MYT1L: variants seen among roughly 807,000 people sequenced by gnomAD.
MYT1L encodes myelin transcription factor 1 like.
MYT1L carries 12 observed loss-of-function variants against 126.7 expected under a neutral mutation model. The observed-to-expected ratio is 0.09, with a 90% CI of 0.06 to 0.15. The LOEUF (loss-of-function observed/expected upper bound fraction) is 0.15. MYT1L is among the 10% of genes least tolerant of loss of function. MYT1L has a pLI of 1.00. For synonymous variants in MYT1L, 541 were observed against 604.2 expected (o/e 0.90, Z 1.53); for missense variants, 979 against 1,585.2 (o/e 0.62, Z 6.49).
intron 21 of MYT1L, among the ~76,000 whole-genome samples, chr2:1,821,437 T>A (rs2038511138): frequency 6.6e-6 from 1 of 152,214 alleles, no homozygotes; most frequent in South Asian, 2.1e-4. Context: ...GATATTCGTG[T>A]TCTCTGAATG....
intron 1 of MYT1L, among the ~76,000 whole-genome samples, chr2:2,309,423 T>C (rs915091000): frequency 6.6e-6 from 1 of 152,052 alleles, no homozygotes. Context: ...ACCTTCTCTA[T>C]GCTTCATCTG....
chr2:1,913,718 T>TCAC (rs2052400161), intron 11 of MYT1L, among the ~76,000 whole-genome samples: 1 of 152,030 alleles, frequency 6.6e-6, no homozygotes, highest in South Asian at 2.1e-4. Context: ...CACACGGGGG[T>TCAC]CACTCTGACC....
chr2:1,912,182 T>A lies in MYT1L; in HGVS notation c.1619-72A>T. The A allele has an allele frequency of 8.9e-7, 1 of 1,125,648 alleles. No individual in the cohort carries two copies. Among genetic ancestry groups the A allele is most frequent in the South Asian group, 1.7e-5 (1 of 57,300 alleles). The allele number at this position is 1,125,648 out of a possible 1,614,324, so 69.7% of individuals were successfully genotyped here. A position where few individuals can be genotyped will look rare whatever the true frequency, so the allele number is the denominator to read the frequency against. ...ACGGTTAGGGCACATGAAAATGCAG[T>A]CATTTAACAAAGGCCAGGTCGCTCA... On this transcript the variant is annotated intron_variant, in intron 11 of 24. Transcript: ENST00000647738. The surrounding 1 kb of genome is among the most constrained non-coding windows in gnomAD (Gnocchi z 4.3).
At chr2:2,048,142 G>T (rs1244974820) in intron 4 of MYT1L, among the ~76,000 whole-genome samples, 1 of 152,144 alleles carries the variant, frequency 6.6e-6, no homozygotes, top group Non-Finnish European at 1.5e-5. Context: ...CGGGGATAGA[G>T]CCTGATGCAG....
rs778259338 is a variant in MYT1L at position 1,923,009 on chromosome 2, C to T, written c.760G>A (p.Asp254Asn). The T allele has an allele frequency of 6.2e-7, 1 of 1,614,040 alleles. No homozygotes were observed. Residue 254 changes from aspartate to asparagine, a missense_variant, in exon 10 of 25, where the codon GAC (aspartate) becomes AAC (asparagine). Coordinates refer to ENST00000647738, the MANE Select transcript of MYT1L (RefSeq NM_001303052.2). ...ACTGTTTCTCTAACAACATCACTGTCTAAGTCTAAACTCAACTCACTTTTC... is the reference window on the plus strand; with the variant it reads ...ACTGTTTCTCTAACAACATCACTGTTTAAGTCTAAACTCAACTCACTTTTC... Reference protein sequence around the residue: ...GRKSELSLDLDSDVVRETVDS... With the variant: ...GRKSELSLDLNSDVVRETVDS...
rs2032111422 is a variant in MYT1L, at chr2:1,791,634, T to C, written c.*233A>G. 4.0e-6 allele frequency: 2 copies of C among 497,198 alleles called. No individual in the cohort carries two copies. The highest frequency in any genetic ancestry group is 3.4e-5 in the East Asian group (1 of 29,584). The allele number at this position is 497,198 out of a possible 1,614,324, so 30.8% of individuals were successfully genotyped here. On this transcript the variant is annotated 3_prime_UTR_variant, in exon 25 of 25. Transcript: ENST00000647738. The surrounding 1 kb of genome is among the most constrained non-coding windows in gnomAD (Gnocchi z 6.0). ...TACATCAGCAGCTATAAACATTACA[T>C]GGCAGAACACTATGTCAGCTTACAT...
At position 2,064,837 on chromosome 2, in the gene MYT1L, A is replaced by G. The variant is rs377407148; in HGVS notation, c.-303-10714T>C. On this transcript the variant is annotated intron_variant, in intron 3 of 24. Transcript: ENST00000647738. ...TTTTCCTCATTTATTTTCATTATGAAATATGAAACGATTCCTGATTAAAGT... is the reference window on the plus strand; with the variant it reads ...TTTTCCTCATTTATTTTCATTATGAGATATGAAACGATTCCTGATTAAAGT... Among the ~76,000 whole-genome samples, 28 of 152,354 alleles carry G rather than the reference A, an allele frequency of 1.8e-4. No individual in the cohort carries two copies. The East Asian group carries it at 5.2e-3, about 28-fold the overall frequency.
At chr2:2,281,294 C>A (rs1226995346) in intron 2 of MYT1L, among the ~76,000 whole-genome samples, 1 of 152,226 alleles carries the variant, frequency 6.6e-6, no homozygotes, top group Non-Finnish European at 1.5e-5. Context: ...AACTGTGAGT[C>A]AATTAAACCT....
rs1370581878 is a variant in MYT1L at position 2,225,218 on chromosome 2, C to G, written c.-420-52230G>C. Among the ~76,000 whole-genome samples the G allele has an allele frequency of 3.3e-5, 5 of 152,184 alleles. No homozygotes were observed. The East Asian group carries it at 9.7e-4, about 30-fold the overall frequency. On this transcript the variant is annotated intron_variant, in intron 2 of 24. Transcript: ENST00000647738. ...TCCTGCCTTAATCCTCTCCTCACTC[C>G]CCTCAACTAACCAACCCCAGGCCTC...
chr2:2,011,421 A>C (rs2063810718), intron 4 of MYT1L, among the ~76,000 whole-genome samples: 1 of 149,822 alleles, frequency 6.7e-6, no homozygotes, highest in South Asian at 2.1e-4. Flanking sequence ...AAAAAAAAAG[A>C]AAAAAAAGAA....
chr2:1,975,520 G>A (rs995798808), intron 8 of MYT1L, among the ~76,000 whole-genome samples: 1 of 152,188 alleles, frequency 6.6e-6, no homozygotes, highest in African/African-American at 2.4e-5. Flanking sequence ...CTTGAAGTTA[G>A]GAGTTCGAGA....
At chr2:2,145,971 C>T (rs1182187865) in intron 3 of MYT1L, among the ~76,000 whole-genome samples, 5 of 152,124 alleles carry the variant, frequency 3.3e-5, no homozygotes, top group African/African-American at 7.2e-5. Context: ...GTGTTCCCCC[C>T]GATCTCATGC....
intron 3 of MYT1L, among the ~76,000 whole-genome samples, chr2:2,075,462 C>A (rs1197823413): frequency 2.0e-5 from 3 of 152,132 alleles, no homozygotes; most frequent in Non-Finnish European, 4.4e-5. Flanking sequence ...AGAAAAGACC[C>A]TAAGATGAAC....
At chr2:2,045,493 A>G (rs185334193) in intron 4 of MYT1L, among the ~76,000 whole-genome samples, 1 of 152,348 alleles carries the variant, frequency 6.6e-6, no homozygotes, top group East Asian at 1.9e-4. Flanking sequence ...CCACCTGCTC[A>G]TGAAACTGTA....
chr2:1,962,533 A>G (rs1025400421), intron 8 of MYT1L, among the ~76,000 whole-genome samples: 4 of 152,332 alleles, frequency 2.6e-5, no homozygotes, highest in Admixed American at 2.6e-4. Flanking sequence ...TTAAAATAAG[A>G]CAAGGAAGTT....
At chr2:1,995,197 G>A (rs767954599) in intron 5 of MYT1L, among the ~76,000 whole-genome samples, 1 of 152,036 alleles carries the variant, frequency 6.6e-6, no homozygotes, top group Non-Finnish European at 1.5e-5. Context: ...CTATTCCACA[G>A]GAATGTCTTT....
chr2:1,838,853 A>C (rs2041250161), intron 21 of MYT1L, among the ~76,000 whole-genome samples: 1 of 152,182 alleles, frequency 6.6e-6, no homozygotes, highest in Admixed American at 6.5e-5. Flanking sequence ...CCTCATGTGC[A>C]TGTCTTAAAT....
chr2:1,814,075 C>T (rs2037243167), intron 21 of MYT1L, among the ~76,000 whole-genome samples: 1 of 151,842 alleles, frequency 6.6e-6, no homozygotes, highest in South Asian at 2.1e-4. Context: ...GAAACCGGTC[C>T]CTTGTGCCAA....
chr2:2,161,750 T>C (rs2148434095), intron 3 of MYT1L, among the ~76,000 whole-genome samples: 1 of 152,236 alleles, frequency 6.6e-6, no homozygotes, highest in South Asian at 2.1e-4. Context: ...ATCAGCTCAG[T>C]GAATGTGCTG....
Sources: gnomAD v4.1 joint callset for allele counts (sites outside exome capture counted in the v4.1 genomes callset) on GRCh38, gnomAD v4.1.1 for gene constraint, Gnocchi (gnomAD v3.1) non-coding constraint, MANE v1.5 for transcripts, NCBI Gene and HGNC (gene_info 2026-07-23, HGNC 2026-07-21) for gene names.